MTF2: variants seen among roughly 807,000 people sequenced by gnomAD.
MTF2 encodes metal-response element-binding transcription factor 2.
In MTF2, 11 loss-of-function variants were observed where a neutral mutation model predicts 79.5. That is an observed-to-expected ratio of 0.14 (90% CI 0.09 to 0.23). The LOEUF (loss-of-function observed/expected upper bound fraction) is 0.23, where lower values mean the gene tolerates loss of function less well. Ranked by LOEUF, MTF2 falls within the 10% of genes least tolerant of loss-of-function variation. MTF2 has a pLI of 1.00. For missense variants in MTF2, 486 were observed against 711.2 expected, an observed-to-expected ratio of 0.68 and a Z score of 3.60; for synonymous variants, 208 against 232.8, an observed-to-expected ratio of 0.89 and a Z score of 0.97.
chr1:93,122,252 C>T (rs1656512882), intron 9 of MTF2, among the ~76,000 whole-genome samples: 1 of 152,084 alleles, frequency 6.6e-6, no homozygotes, highest in Admixed American at 6.5e-5. Context: ...TCTTTTAGCA[C>T]TTCATATGCA....
At chr1:93,121,707 T>C in intron 9 of MTF2, 1 of 952,428 alleles carries the variant, frequency 1.0e-6, no homozygotes, top group Non-Finnish European at 1.3e-6. Context: ...GATATTGGAT[T>C]ATCATACAAA....
In MTF2 at chr1:93,079,531, G is replaced by T; in HGVS notation, c.5G>T (p.Arg2Ile). 1 of 1,613,964 alleles carries T rather than the reference G, an allele frequency of 6.2e-7. No individual in the cohort carries two copies. The highest frequency in any genetic ancestry group is 8.5e-7 in the Non-Finnish European group (1 of 1,179,998). Residue 2 changes from arginine (R) to isoleucine (I), a missense_variant and splice_region_variant, in exon 1 of 15, where the codon AGA becomes ATA. Transcript: ENST00000370298. MRDSTGAGNSLV... is the reference protein window; with the variant it reads MIDSTGAGNSLV... ...TGGCACCACTGAAGTGACCGAATGA[G>T]GTGAGAGACCTTGGCCTGGGAACCG...
chr1:93,115,143 A>G (rs1247404327), intron 5 of MTF2, 55 bp downstream of exon 5: 1 of 1,299,714 alleles, frequency 7.7e-7, no homozygotes, highest in Admixed American at 1.7e-5. Context: ...AGACATTATC[A>G]ACATAATGAT....
At position 93,079,384 on chromosome 1, in the gene MTF2, A is replaced by T. The variant is rs757322497; in HGVS notation, c.-143A>T. 54 of 980,254 alleles carry T rather than the reference A, an allele frequency of 5.5e-5. No homozygotes were observed. The highest frequency in any genetic ancestry group is 5.3e-4 in the East Asian group (22 of 41,262). 60.7% of individuals were successfully genotyped at this position (980,254 alleles called of 1,614,324 possible). ...CTACCCCCAACCCTTGTCTCCAAGG[A>T]CCTCGGTTTGTGCGTGCATATGTGC... On this transcript the variant is annotated 5_prime_UTR_variant, in exon 1 of 15. Coordinates refer to ENST00000370298, the MANE Select transcript of MTF2 (RefSeq NM_007358.4).
chr1:93,102,859 C>T (rs777143422), intron 1 of MTF2, among the ~76,000 whole-genome samples: 38 of 151,658 alleles, frequency 2.5e-4, no homozygotes, highest in Non-Finnish European at 2.1e-4. Flanking sequence ...GGGCCAGGCA[C>T]GGTGGCTCAC....
At chr1:93,096,435 C>T (rs977967451) in intron 1 of MTF2, among the ~76,000 whole-genome samples, 5 of 151,976 alleles carry the variant, frequency 3.3e-5, no homozygotes, top group African/African-American at 7.3e-5. Flanking sequence ...GCTTCCTAGA[C>T]GTCATGAATA....
chr1:93,126,181 A>G (rs572323412), intron 9 of MTF2, among the ~76,000 whole-genome samples: 1 of 151,502 alleles, frequency 6.6e-6, no homozygotes, highest in African/African-American at 2.4e-5. Context: ...AGCACTCAGC[A>G]TATTGGCACA....
At chr1:93,109,503 T>C (rs1368698653) in intron 1 of MTF2, among the ~76,000 whole-genome samples, 1 of 152,106 alleles carries the variant, frequency 6.6e-6, no homozygotes, top group Non-Finnish European at 1.5e-5. Context: ...CCGGCTAATC[T>C]TTGTATTTTT....
rs1647475034 is a variant in MTF2 at position 93,138,162 on chromosome 1, A to G, written c.*1135A>G. ...GCTACTGCTGTTTTATTACAACATT[A>G]CCTCTTGTTTTTATAAAGTGTACCA... is the stretch of plus-strand genomic sequence containing the variant. On this transcript the variant is annotated 3_prime_UTR_variant, in exon 15 of 15. Coordinates refer to ENST00000370298, the MANE Select transcript of MTF2 (RefSeq NM_007358.4). 6.6e-6 allele frequency: 1 copy of G among 152,132 alleles called. No homozygotes were observed. Among genetic ancestry groups the G allele is most frequent in the African/African-American group, 2.4e-5 (1 of 41,432 alleles). 9.4% of individuals were successfully genotyped at this position (152,132 alleles called of 1,614,324 possible).
chr1:93,109,524 A>G (rs1374642958), intron 1 of MTF2, among the ~76,000 whole-genome samples: 1 of 151,994 alleles, frequency 6.6e-6, no homozygotes, highest in Non-Finnish European at 1.5e-5. Context: ...TAGTAGACAC[A>G]GGGTTTCACC....
intron 14 of MTF2, among the ~76,000 whole-genome samples, chr1:93,136,398 G>C (rs17131703): frequency 0.12 from 17,609 of 152,118 alleles, 1,384 homozygotes; most frequent in African/African-American, 0.22. Flanking sequence ...AATTTTCCTT[G>C]TTGGCCTCCT....
chr1:93,126,896 G>GAATTTTTGAAAAATTTAATAACTAAT (rs1656720269), intron 9 of MTF2, among the ~76,000 whole-genome samples: 1 of 152,038 alleles, frequency 6.6e-6, no homozygotes, highest in Non-Finnish European at 1.5e-5. Flanking sequence ...CTAGGTTAAA[G>GAATTTTTGAAAAATTTAATAACTAAT]AATTTTTGAA....
At chr1:93,087,360 T>C (rs1057513892) in intron 1 of MTF2, among the ~76,000 whole-genome samples, 4 of 152,036 alleles carry the variant, frequency 2.6e-5, no homozygotes, top group Non-Finnish European at 5.9e-5. Context: ...TCACCTGAGG[T>C]CGGGAGTTCA....
At chr1:93,105,855 A>T (rs797597) in intron 1 of MTF2, among the ~76,000 whole-genome samples, 152,072 of 152,280 alleles carry the variant, frequency 1, 75,933 homozygotes, top group East Asian at 1. Flanking sequence ...TTTGTATTTT[A>T]AGTAGAGACG....
intron 1 of MTF2, 52 bp downstream of exon 1, chr1:93,079,583 G>A: frequency 6.2e-7 from 1 of 1,609,316 alleles, no homozygotes; most frequent in East Asian, 2.2e-5. Context: ...TGGGGGTTGG[G>A]GGAAGGAGGA....
chr1:93,109,217 A>G (rs1329913937), intron 1 of MTF2, among the ~76,000 whole-genome samples: 1 of 152,190 alleles, frequency 6.6e-6, no homozygotes, highest in African/African-American at 2.4e-5. Flanking sequence ...AAGAAAGCTG[A>G]TGGTGGTATG....
At chr1:93,083,282 G>T (rs1004783212) in intron 1 of MTF2, among the ~76,000 whole-genome samples, 2 of 152,186 alleles carry the variant, frequency 1.3e-5, no homozygotes, top group African/African-American at 4.8e-5. Context: ...CCCACCAGGG[G>T]CCTCCTCCAA....
chr1:93,104,321 GTGAA>G (rs1655669875), intron 1 of MTF2, among the ~76,000 whole-genome samples: 2 of 152,098 alleles, frequency 1.3e-5, no homozygotes, highest in South Asian at 4.1e-4. Context: ...TGTCTTAAAT[GTGAA>G]TGAAAGTAGA....
At chr1:93,105,181 T>TGG (rs1557548592) in intron 1 of MTF2, among the ~76,000 whole-genome samples, 2 of 149,858 alleles carry the variant, frequency 1.3e-5, no homozygotes, top group Admixed American at 1.3e-4. Flanking sequence ...ATTCCCTGTT[T>TGG]GGGGGGAGGT....
Sources: allele counts gnomAD v4.1 joint callset (sites outside exome capture counted in the v4.1 genomes callset), GRCh38; gene constraint gnomAD v4.1.1; transcripts MANE v1.5; gene names NCBI Gene and HGNC (gene_info 2026-07-23, HGNC 2026-07-21).